The following ABCG4 variants were observed in gnomAD, a reference collection of about 807,000 sequenced individuals.
The protein encoded by ABCG4 is ATP binding cassette subfamily G member 4, also known as ATP-binding cassette sub-family G member 4.
In ABCG4, 35 loss-of-function variants were observed where a neutral mutation model predicts 64.6. The observed-to-expected ratio is 0.54, with a 90% CI of 0.41 to 0.72. The LOEUF (loss-of-function observed/expected upper bound fraction) is 0.72. Ranked by LOEUF, ABCG4 falls within the 30% of genes least tolerant of loss-of-function variation. The probability of loss-of-function intolerance (pLI) is 0.00; values close to 1 mark genes in which losing one functional copy is unlikely to be tolerated. For missense variants in ABCG4, 610 were observed against 846.3 expected (o/e 0.72, Z 3.46); for synonymous variants, 326 against 348.2 (o/e 0.94, Z 0.71).
Position 119,160,155 on chromosome 11 carries a change from G to C in ABCG4, c.1438-72G>C. The C allele has an allele frequency of 6.5e-7, 1 of 1,527,080 alleles. No individual in the cohort carries two copies. Among genetic ancestry groups the C allele is most frequent in the Non-Finnish European group, 8.9e-7 (1 of 1,121,320 alleles). 94.6% of individuals were successfully genotyped at this position (1,527,080 alleles called of 1,614,324 possible). A position where few individuals can be genotyped will look rare whatever the true frequency, so the allele number is the denominator to read the frequency against. On this transcript the variant is annotated intron_variant, in intron 12 of 14. Coordinates refer to ENST00000619701, the MANE Select transcript of ABCG4 (RefSeq NM_022169.5). This position sits in a 1 kb window ranked among gnomAD's most constrained non-coding sequence, Gnocchi z 4.6. ...ATAGGTATTCTAGAGGCCCAGCCTT[G>C]GGTGGAGTGGAGGTCTTGGCTGCTG...
chr11:119,156,695 T>C lies in ABCG4; in HGVS notation c.925+17T>C, dbSNP rs552246034. 1.2e-6 allele frequency: 2 copies of C among 1,613,078 alleles called. No individual in the cohort carries two copies. The highest frequency in any genetic ancestry group is 2.7e-5 in the African/African-American group (2 of 74,856). ...CTGACTTCAGTGAGTGGGGGTCTGTTGGTAGGGGCTGGGAAACAGCAGTGG... is the reference window on the plus strand; with the variant it reads ...CTGACTTCAGTGAGTGGGGGTCTGTCGGTAGGGGCTGGGAAACAGCAGTGG... On this transcript the variant is annotated intron_variant, in intron 8 of 14. Coordinates refer to ENST00000619701, the MANE Select transcript of ABCG4 (RefSeq NM_022169.5). This position sits in a 1 kb window ranked among gnomAD's most constrained non-coding sequence, Gnocchi z 5.5.
Position 119,160,592 on chromosome 11 carries a change from T to C in ABCG4, c.1651T>C (p.Phe551Leu), listed in dbSNP as rs1391503054. 6.2e-7 allele frequency: 1 copy of C among 1,613,384 alleles called. No homozygotes were observed. Among genetic ancestry groups the C allele is most frequent in the South Asian group, 1.1e-5 (1 of 91,086 alleles). The change falls in exon 14 of 15, where the codon TTC becomes CTC. Residue 551 changes from phenylalanine (F) to leucine (L), a missense_variant. By Grantham distance (22) the Phe-to-Leu change is conservative. Coordinates refer to ENST00000619701, the MANE Select transcript of ABCG4 (RefSeq NM_022169.5). The surrounding 1 kb of genome is among the most constrained non-coding windows in gnomAD (Gnocchi z 4.6). ...CATCCCTGTCCTCTTGTTCTCCGGC[T>C]TCTTTGTCAGCTTCAAGACCATCCC... ...TAIPVLLFSGFFVSFKTIPTY... is the reference protein window; with the variant it reads ...TAIPVLLFSGLFVSFKTIPTY...
Position 119,154,118 on chromosome 11 carries a change from T to C in ABCG4, c.331T>C (p.Phe111Leu). 6.2e-7 allele frequency: 1 copy of C among 1,614,142 alleles called. No homozygotes were observed. Among genetic ancestry groups the C allele is most frequent in the Non-Finnish European group, 8.5e-7 (1 of 1,180,010 alleles). ...MGPSGAGKST[F>L]MNILAGYRES... Reference sequence around the variant, plus strand: ...CCCCTCAGGGGCTGGCAAGTCTACATTCATGAACATCTTGGCAGGATACAG... The same window carrying C: ...CCCCTCAGGGGCTGGCAAGTCTACACTCATGAACATCTTGGCAGGATACAG... The change falls in exon 3 of 15, where the codon TTC (phenylalanine) becomes CTC (leucine). Residue 111 changes from phenylalanine to leucine, a missense_variant. By Grantham distance (22) the Phe-to-Leu change is conservative (BLOSUM62 0). Transcript: ENST00000619701. The surrounding 1 kb of genome is among the most constrained non-coding windows in gnomAD (Gnocchi z 7.0).
At position 119,149,994 on chromosome 11, in the gene ABCG4, G is replaced by A. The variant is rs749303159; in HGVS notation, c.29G>A (p.Gly10Asp). The change falls in exon 2 of 15, where the codon GGC becomes GAC. Residue 10 changes from glycine (G) to aspartate (D), a missense_variant. Physicochemically the swap from Gly to Asp is moderately conservative, Grantham distance 94 (BLOSUM62 -1). Coordinates refer to ENST00000619701, the MANE Select transcript of ABCG4 (RefSeq NM_022169.5). The surrounding 1 kb of genome is among the most constrained non-coding windows in gnomAD (Gnocchi z 8.3). MAEKALEAV[G>D]CGLGPGAVAM... ...GCGGAGAAGGCGCTGGAGGCCGTGG[G>A]CTGTGGACTAGGGCCGGGGGCTGTG... is the stretch of plus-strand genomic sequence containing the variant. The A allele has an allele frequency of 1.9e-6, 3 of 1,610,202 alleles. No individual in the cohort carries two copies. In the South Asian group the frequency reaches 3.3e-5, roughly 18 times the overall value.
rs1344939327 is a variant in ABCG4, at chr11:119,150,270, C to A, written c.238+67C>A. ...GAGTTGCCTCTCCAGAAGCATGAGG[C>A]CTGGGTGTCCCATGTTCGGAAAGTC... On this transcript the variant is annotated intron_variant, in intron 2 of 14. Coordinates refer to ENST00000619701, the MANE Select transcript of ABCG4 (RefSeq NM_022169.5). This position sits in a 1 kb window ranked among gnomAD's most constrained non-coding sequence, Gnocchi z 4.3. 2 of 1,558,586 alleles carry A rather than the reference C, an allele frequency of 1.3e-6. No individual in the cohort carries two copies. Among genetic ancestry groups the A allele is most frequent in the Admixed American group, 1.8e-5 (1 of 55,352 alleles).
chr11:119,159,279 G>C (rs1271306274), intron 12 of ABCG4, among the ~76,000 whole-genome samples: 3 of 152,232 alleles, frequency 2.0e-5, no homozygotes, highest in Admixed American at 1.3e-4. Flanking sequence ...TTGAGCTCAG[G>C]AGTTTGACAC....
intron 2 of ABCG4, chr11:119,153,766 G>A: frequency 4.2e-6 from 2 of 472,692 alleles, no homozygotes; most frequent in South Asian, 5.0e-5. Flanking sequence ...GCCCATCCAT[G>A]AGATGTGTGG....
Position 119,154,775 on chromosome 11 carries a change from A to G in ABCG4, c.546A>G (p.Thr182=), listed in dbSNP as rs774500849. Residue 182 remains threonine (T), a synonymous_variant, in exon 6 of 15, where the codon ACA becomes ACG. Transcript: ENST00000619701. The surrounding 1 kb of genome is among the most constrained non-coding windows in gnomAD (Gnocchi z 7.0). ...CATGGGTGGGGTGGGGCCAGGTGAC[A>G]GAGATCCTGACGGCACTGGGCCTGA... ...EKQEVKKELV[T]EILTALGLMS... 173 of 1,609,722 alleles carry G rather than the reference A, an allele frequency of 1.1e-4. No individual in the cohort carries two copies. The highest frequency in any genetic ancestry group is 1.4e-4 in the Non-Finnish European group (160 of 1,176,636).
chr11:119,158,508 T>C lies in ABCG4; in HGVS notation c.1168-49T>C. ...TCCTACTCCAAGTCTACTCTGTGGC[T>C]TGCCCTGGCCTGTAACACATCCCTC... On this transcript the variant is annotated intron_variant, in intron 10 of 14. Transcript: ENST00000619701. This position sits in a 1 kb window ranked among gnomAD's most constrained non-coding sequence, Gnocchi z 4.5. 6.2e-7 allele frequency: 1 copy of C among 1,611,474 alleles called. No homozygotes were observed.
chr11:119,161,152 C>T lies in ABCG4; in HGVS notation c.*46C>T, dbSNP rs1408278753. ...CCCAGCCCCTGCAGCAGGAAGCCCCCAGTCCCAGCCCTTTGGGACTGTTTT... is the reference window on the plus strand; with the variant it reads ...CCCAGCCCCTGCAGCAGGAAGCCCCTAGTCCCAGCCCTTTGGGACTGTTTT... On this transcript the variant is annotated 3_prime_UTR_variant, in exon 15 of 15. Transcript: ENST00000619701. 1 of 1,562,788 alleles carries T rather than the reference C, an allele frequency of 6.4e-7. No individual in the cohort carries two copies.
Position 119,158,917 on chromosome 11 carries a change from C to T in ABCG4, c.1425C>T (p.Asp475=), listed in dbSNP as rs140850190. 2.5e-5 allele frequency: 41 copies of T among 1,614,068 alleles called. No homozygotes were observed. In the South Asian group the frequency reaches 2.9e-4, roughly 11 times the overall value. The change falls in exon 12 of 15, where the codon GAC becomes GAT. Residue 475 remains aspartate, a synonymous_variant. Coordinates refer to ENST00000619701, the MANE Select transcript of ABCG4 (RefSeq NM_022169.5). This position sits in a 1 kb window ranked among gnomAD's most constrained non-coding sequence, Gnocchi z 4.5. ...ATTACCTGGCCAAGACCATGGCTGACGTGCCCTTTCAGGTGGGCCTCTTCC... is the reference window on the plus strand; with the variant it reads ...ATTACCTGGCCAAGACCATGGCTGATGTGCCCTTTCAGGTGGGCCTCTTCC... ...KAYYLAKTMA[D]VPFQVVCPVV... is the part of the protein sequence containing the mutation.
rs1379113059 is a variant in ABCG4 at position 119,158,400 on chromosome 11, A to G, written c.1167+68A>G. The G allele has an allele frequency of 2.5e-6, 4 of 1,580,640 alleles. No individual in the cohort carries two copies. Among genetic ancestry groups the G allele is most frequent in the Non-Finnish European group, 2.6e-6 (3 of 1,150,808 alleles). The stretch of plus-strand genomic sequence containing the variant: ...ACCTTTTGGGCTGTAGGATCCCAGC[A>G]GCTGAAATGGGAATGGGGACCCTCC... On this transcript the variant is annotated intron_variant, in intron 10 of 14. Transcript: ENST00000619701. This position sits in a 1 kb window ranked among gnomAD's most constrained non-coding sequence, Gnocchi z 4.5.
In ABCG4 at chr11:119,156,070, T is replaced by G; in HGVS notation, c.687-259T>G. On this transcript the variant is annotated intron_variant, in intron 6 of 14. Coordinates refer to ENST00000619701, the MANE Select transcript of ABCG4 (RefSeq NM_022169.5). This position sits in a 1 kb window ranked among gnomAD's most constrained non-coding sequence, Gnocchi z 5.5. ...GTCTCTCTCTCCTTCCAGACCAGAG[T>G]CTATGTCTTATTTATGCATCATTGT... The G allele has an allele frequency of 2.1e-6, 1 of 480,562 alleles. No homozygotes were observed. Among genetic ancestry groups the G allele is most frequent in the East Asian group, 3.8e-5 (1 of 26,310 alleles). 29.8% of individuals were successfully genotyped at this position (480,562 alleles called of 1,614,324 possible).
At position 119,149,298 on chromosome 11, in the gene ABCG4, T is replaced by C. The variant is rs1948157641; in HGVS notation, c.-78T>C. The stretch of plus-strand genomic sequence containing the variant: ...CGAGGCAGGTAAGGGGAGCCCCGGC[T>C]CTCCGTCCCCGGTCCGTGGCAGCGC... On this transcript the variant is annotated 5_prime_UTR_variant, in exon 1 of 15. Coordinates refer to ENST00000619701, the MANE Select transcript of ABCG4 (RefSeq NM_022169.5). This position sits in a 1 kb window ranked among gnomAD's most constrained non-coding sequence, Gnocchi z 8.3. 1.3e-5 allele frequency: 2 copies of C among 151,214 alleles called. No homozygotes were observed. Among genetic ancestry groups the C allele is most frequent in the Admixed American group, 1.3e-4 (2 of 15,232 alleles). The allele number at this position is 151,214 out of a possible 1,614,324, so 9.4% of individuals were successfully genotyped here.
chr11:119,158,462 C>A lies in ABCG4; in HGVS notation c.1168-95C>A. On this transcript the variant is annotated intron_variant, in intron 10 of 14. Transcript: ENST00000619701. The surrounding 1 kb of genome is among the most constrained non-coding windows in gnomAD (Gnocchi z 4.5). ...GCAATGTGCCTGTGGGGTCTCTGTGCCTGTGAGGGCAGCTCCGAGTTCCTA... is the reference window on the plus strand; with the variant it reads ...GCAATGTGCCTGTGGGGTCTCTGTGACTGTGAGGGCAGCTCCGAGTTCCTA... 1 of 1,571,114 alleles carries A rather than the reference C, an allele frequency of 6.4e-7. No homozygotes were observed. The highest frequency in any genetic ancestry group is 8.8e-7 in the Non-Finnish European group (1 of 1,141,844).
At chr11:119,153,904 TAACCC>T in intron 2 of ABCG4, 117 bp from the exon 3 acceptor site, 1 of 833,596 alleles carries the variant, frequency 1.2e-6, no homozygotes, top group Non-Finnish European at 2.0e-6. Flanking sequence ...TCCTCCATCC[TAACCC>T]AATCACACTG....
chr11:119,156,985 G>A lies in ABCG4; in HGVS notation c.1039G>A (p.Val347Ile), dbSNP rs370592684. 42 of 1,612,520 alleles carry A rather than the reference G, an allele frequency of 2.6e-5. No individual in the cohort carries two copies. The highest frequency in any genetic ancestry group is 2.5e-5 in the Non-Finnish European group (29 of 1,179,352). The stretch of plus-strand genomic sequence containing the variant: ...GAAGAGCAGCCCTGAGAAGAACGAG[G>A]TCCCTGCCCCATGCCCTCCTTGTCC... Reference protein sequence around the residue: ...EKKSSPEKNEVPAPCPPCPPE... With the variant: ...EKKSSPEKNEIPAPCPPCPPE... Residue 347 changes from valine to isoleucine, a missense_variant, in exon 9 of 15, where the codon GTC becomes ATC. Physicochemically the swap from Val to Ile is conservative, Grantham distance 29. Transcript: ENST00000619701. The surrounding 1 kb of genome is among the most constrained non-coding windows in gnomAD (Gnocchi z 5.5).
chr11:119,154,034 A>T lies in ABCG4; in HGVS notation c.247A>T (p.Thr83Ser). 6.2e-7 allele frequency: 1 copy of T among 1,613,844 alleles called. No individual in the cohort carries two copies. ...TCCCCACCTCACTGCAGGTTATAAG[A>T]CCCTTCTCAAGTGCCTCTCAGGTAA... ...GPCWRKRGYKTLLKCLSGKFC... is the reference protein window; with the variant it reads ...GPCWRKRGYKSLLKCLSGKFC... The change falls in exon 3 of 15, where the codon ACC (threonine) becomes TCC (serine). Residue 83 changes from threonine to serine, a missense_variant. Thr to Ser is a moderately conservative substitution (Grantham distance 58). Transcript: ENST00000619701. This position sits in a 1 kb window ranked among gnomAD's most constrained non-coding sequence, Gnocchi z 7.0.
Position 119,154,195 on chromosome 11 carries a change from C to T in ABCG4, c.356+52C>T. On this transcript the variant is annotated intron_variant, in intron 3 of 14. Coordinates refer to ENST00000619701, the MANE Select transcript of ABCG4 (RefSeq NM_022169.5). This position sits in a 1 kb window ranked among gnomAD's most constrained non-coding sequence, Gnocchi z 7.0. ...AGGCAGGACTCAGGAAGAAGTATCCCTTGGGGAACACAGAAGGTATTCTGA... is the reference window on the plus strand; with the variant it reads ...AGGCAGGACTCAGGAAGAAGTATCCTTTGGGGAACACAGAAGGTATTCTGA... The T allele has an allele frequency of 1.2e-6, 2 of 1,613,228 alleles. No individual in the cohort carries two copies. Among genetic ancestry groups the T allele is most frequent in the Non-Finnish European group, 1.7e-6 (2 of 1,179,266 alleles).
Sources: allele counts gnomAD v4.1 joint callset (sites outside exome capture counted in the v4.1 genomes callset), GRCh38; gene constraint gnomAD v4.1.1; non-coding constraint Gnocchi (gnomAD v3.1); transcripts MANE v1.5; gene names NCBI Gene and HGNC (gene_info 2026-07-23, HGNC 2026-07-21).